Variants in ACACA observed in about 807,000 individuals in gnomAD.
ACACA encodes acetyl-CoA carboxylase alpha.
In ACACA, 103 loss-of-function variants were observed where a neutral mutation model predicts 296.1. That is an observed-to-expected ratio of 0.35 (90% CI 0.30 to 0.41). The LOEUF (loss-of-function observed/expected upper bound fraction) is 0.41. Ranked by LOEUF, ACACA falls within the 10% of genes least tolerant of loss-of-function variation. The pLI is 1.00. For synonymous variants in ACACA, 953 were observed against 1,038.6 expected, an observed-to-expected ratio of 0.92 and a Z score of 1.58; for missense variants, 1,554 against 2,989.7, an observed-to-expected ratio of 0.52 and a Z score of 11.20.
In ACACA at chr17:37,188,340, G is replaced by A. The variant is rs138395441; in HGVS notation, c.4713C>T (p.Asn1571=). ...KAIPIRLFLT[N]ESGYYLDISL... is the part of the protein sequence containing the mutation. ...TGATATCCAAGTAATAGCCAGACTC[G>A]TTTGTCAGGAAGAGGCGGATGGGAA... The change falls in exon 39 of 56, where the codon AAC becomes AAT. Residue 1571 remains asparagine, a synonymous_variant. Coordinates refer to ENST00000616317, the MANE Select transcript of ACACA (RefSeq NM_198834.3). 5.0e-6 allele frequency: 8 copies of A among 1,613,946 alleles called. No homozygotes were observed. The highest frequency in any genetic ancestry group is 6.8e-6 in the Non-Finnish European group (8 of 1,180,010).
In ACACA at chr17:37,113,078, G is replaced by A. The variant is rs2074065216; in HGVS notation, c.6452+10C>T. ...AAAGGCAGTGAATGGAAATGTGGAA[G>A]GCACGCTACCTGCTTTCTCGGTCAG... On this transcript the variant is annotated intron_variant, in intron 51 of 55. Transcript: ENST00000616317. This position sits in a 1 kb window ranked among gnomAD's most constrained non-coding sequence, Gnocchi z 4.0. The A allele has an allele frequency of 6.2e-7, 1 of 1,614,068 alleles. No individual in the cohort carries two copies. Among genetic ancestry groups the A allele is most frequent in the Non-Finnish European group, 8.5e-7 (1 of 1,180,000 alleles).
chr17:37,261,804 T>C (rs1367065380), intron 11 of ACACA, among the ~76,000 whole-genome samples: 2 of 152,202 alleles, frequency 1.3e-5, no homozygotes, highest in Non-Finnish European at 2.9e-5. Context: ...TGATAACTGC[T>C]ATGGACCAAC....
chr17:37,314,950 CTTTTTTTTTTTTTTT>C (rs71284913), intron 3 of ACACA, among the ~76,000 whole-genome samples: 2 of 60,806 alleles, frequency 3.3e-5, no homozygotes, highest in South Asian at 6.7e-4. Flanking sequence ...GCCAGGAATG[CTTTTTTTTTTTTTTT>C]TTTTTTTTTT....
chr17:37,292,819 G>A (rs1380535999), intron 3 of ACACA, among the ~76,000 whole-genome samples: 5 of 152,106 alleles, frequency 3.3e-5, no homozygotes, highest in African/African-American at 7.2e-5. Context: ...AGCTGAGAGC[G>A]CACCACTGCA....
intron 50 of ACACA, among the ~76,000 whole-genome samples, chr17:37,114,531 TA>T (rs60963286): frequency 0.041 from 5,002 of 122,788 alleles, 126 homozygotes; most frequent in East Asian, 0.094. Flanking sequence ...GCCCTGCCTT[TA>T]AAAAAAAAAA....
In ACACA at chr17:37,341,409, G is replaced by A. The variant is rs575834250; in HGVS notation, c.39-1559C>T. On this transcript the variant is annotated intron_variant, in intron 1 of 55. Transcript: ENST00000616317. ...GGTATGTCAAAAAAAGTCTTAAAGCGGCCAGATGTGGTGGCTCACACCTGT... is the reference window on the plus strand; with the variant it reads ...GGTATGTCAAAAAAAGTCTTAAAGCAGCCAGATGTGGTGGCTCACACCTGT... 5.7e-4 allele frequency among the ~76,000 whole-genome samples: 87 copies of A among 152,174 alleles called. 1 individual carries two copies. Among genetic ancestry groups the A allele is most frequent in the Admixed American group, 2.5e-3 (38 of 15,282 alleles).
At chr17:37,372,413 GAAAA>G (rs71135711) in intron 1 of ACACA, among the ~76,000 whole-genome samples, 1 of 89,692 alleles carries the variant, frequency 1.1e-5, no homozygotes, top group African/African-American at 3.8e-5. Context: ...ACTCTGTCTC[GAAAA>G]AAAAAAAAAA....
At chr17:37,266,548 G>A (rs2081788834) in intron 10 of ACACA, among the ~76,000 whole-genome samples, 1 of 150,534 alleles carries the variant, frequency 6.6e-6, no homozygotes, top group African/African-American at 2.4e-5. Flanking sequence ...GATTTCTGAG[G>A]CCTTAAAGTC....
chr17:37,404,131 C>T (rs1446088032), intron 1 of ACACA, among the ~76,000 whole-genome samples: 1 of 152,198 alleles, frequency 6.6e-6, no homozygotes, highest in Admixed American at 6.5e-5. Context: ...AATTTTTCTA[C>T]AGTATTACAA....
intron 3 of ACACA, chr17:37,301,475 A>T (rs993290671): frequency 2.4e-6 from 2 of 829,248 alleles, no homozygotes; most frequent in Admixed American, 1.2e-4. Context: ...GCAGACAGTG[A>T]TGCATTCGCT....
chr17:37,320,290 T>A (rs2047290241), intron 3 of ACACA, among the ~76,000 whole-genome samples: 1 of 151,816 alleles, frequency 6.6e-6, no homozygotes, highest in Admixed American at 6.6e-5. Flanking sequence ...GGTGGGTAGA[T>A]CACCTGAGGT....
intron 41 of ACACA, among the ~76,000 whole-genome samples, chr17:37,164,269 G>C (rs2076579417): frequency 2.6e-5 from 4 of 152,054 alleles, no homozygotes; most frequent in Admixed American, 6.5e-5. Context: ...GGCATCCCTG[G>C]AAAGCCACAT....
intron 39 of ACACA, among the ~76,000 whole-genome samples, chr17:37,185,625 G>A (rs1261546995): frequency 6.6e-6 from 1 of 151,606 alleles, no homozygotes; most frequent in African/African-American, 2.4e-5. Context: ...TTAGAGCACA[G>A]TGGCACGATC....
chr17:37,156,529 A>T (rs764975594), intron 42 of ACACA, among the ~76,000 whole-genome samples: 1 of 152,230 alleles, frequency 6.6e-6, no homozygotes, highest in Non-Finnish European at 1.5e-5. Context: ...AGAAAACCGC[A>T]AATCTAGGAG....
chr17:37,184,994 T>G (rs1271912606), intron 39 of ACACA, among the ~76,000 whole-genome samples: 1 of 152,144 alleles, frequency 6.6e-6, no homozygotes, highest in Non-Finnish European at 1.5e-5. Flanking sequence ...ACTGTTTGAT[T>G]TAAATTCTAG....
At chr17:37,168,017 G>A (rs2076749500) in intron 41 of ACACA, among the ~76,000 whole-genome samples, 1 of 152,148 alleles carries the variant, frequency 6.6e-6, no homozygotes, top group African/African-American at 2.4e-5. Flanking sequence ...TCAGACTCAG[G>A]AGCCACATTC....
intron 25 of ACACA, among the ~76,000 whole-genome samples, chr17:37,226,940 A>G (rs1371387128): frequency 6.6e-6 from 1 of 152,090 alleles, no homozygotes; most frequent in Non-Finnish European, 1.5e-5. Flanking sequence ...TGCAAAACAG[A>G]AACACAAGAA....
intron 2 of ACACA, among the ~76,000 whole-genome samples, chr17:37,337,077 A>G (rs756876778): frequency 1.3e-5 from 2 of 152,186 alleles, no homozygotes; most frequent in Non-Finnish European, 2.9e-5. Context: ...CCAACTAACC[A>G]TATCAGAACC....
chr17:37,393,718 T>G (rs1304511582), intron 1 of ACACA, among the ~76,000 whole-genome samples: 1 of 151,806 alleles, frequency 6.6e-6, no homozygotes, highest in Non-Finnish European at 1.5e-5. Context: ...GGTGCGCACC[T>G]GTAATCTCAG....
Sources: allele counts gnomAD v4.1 joint callset (sites outside exome capture counted in the v4.1 genomes callset), GRCh38; gene constraint gnomAD v4.1.1; non-coding constraint Gnocchi (gnomAD v3.1); transcripts MANE v1.5; gene names NCBI Gene and HGNC (gene_info 2026-07-23, HGNC 2026-07-21).